NPHP3: variants seen among roughly 807,000 people sequenced by gnomAD.
NPHP3 encodes the protein nephrocystin-3.
In NPHP3, 123 loss-of-function variants were observed where a neutral mutation model predicts 171.9. The ratio of observed to expected loss-of-function variants is 0.72; its 90% CI spans 0.62 to 0.83. NPHP3 has a LOEUF of 0.83. Among genes scored for constraint, NPHP3 ranks in the 40% least tolerant of loss-of-function variants. The pLI is 0.00. For missense variants in NPHP3, 1,506 were observed against 1,591.9 expected (o/e 0.95, Z 0.92); for synonymous variants, 558 against 579.2 (o/e 0.96, Z 0.52).
At chr3:132,702,978 A>C (rs1437512401) in intron 9 of NPHP3, among the ~76,000 whole-genome samples, 1 of 152,196 alleles carries the variant, frequency 6.6e-6, no homozygotes, top group African/African-American at 2.4e-5. Flanking sequence ...CCAGATCTGC[A>C]ATCTACTCAC....
chr3:132,709,864 T>C (rs774824189), intron 6 of NPHP3, among the ~76,000 whole-genome samples: 2 of 152,204 alleles, frequency 1.3e-5, no homozygotes, highest in African/African-American at 2.4e-5. Flanking sequence ...CCATGTTCTA[T>C]CGAATTTTGG....
chr3:132,685,094 C>A, intron 23 of NPHP3: 1 of 318,062 alleles, frequency 3.1e-6, no homozygotes. Flanking sequence ...AGACCTAGGT[C>A]CAATAAAAGA....
chr3:132,711,710 T>TA (rs761486947), intron 6 of NPHP3, among the ~76,000 whole-genome samples: 88 of 151,806 alleles, frequency 5.8e-4, no homozygotes, highest in Admixed American at 1.2e-3. Flanking sequence ...CCAAGTAAGA[T>TA]AAAAAAACTA....
Position 132,684,771 on chromosome 3 carries a change from C to T in NPHP3, c.3353G>A (p.Arg1118His), listed in dbSNP as rs749623594. 12 of 1,613,548 alleles carry T rather than the reference C, an allele frequency of 7.4e-6. No homozygotes were observed. The highest frequency in any genetic ancestry group is 5.3e-5 in the African/African-American group (4 of 74,932). The change falls in exon 24 of 27, where the codon CGT becomes CAT. Residue 1118 changes from arginine to histidine, a missense_variant. Transcript: ENST00000337331. ...AACTCGCTCCCTCATTTCTAAGGAACGCTTCAGAAACTGGTCAGCTGTTCT... is the reference window on the plus strand; with the variant it reads ...AACTCGCTCCCTCATTTCTAAGGAATGCTTCAGAAACTGGTCAGCTGTTCT... Reference protein sequence around the residue: ...NLETADQFLKRSLEMRERVLG... With the variant: ...NLETADQFLKHSLEMRERVLG...
intron 17 of NPHP3, 114 bp from the exon 18 acceptor site, chr3:132,691,400 GA>G (rs1560003582): frequency 1.3e-6 from 1 of 743,586 alleles, no homozygotes; most frequent in African/African-American, 1.8e-5. Flanking sequence ...CTGTATAATA[GA>G]AATGTCACTT....
intron 7 of NPHP3, among the ~76,000 whole-genome samples, chr3:132,707,286 G>T (rs1036098050): frequency 5.9e-5 from 9 of 152,020 alleles, no homozygotes; most frequent in African/African-American, 2.2e-4. Flanking sequence ...AACATAATAA[G>T]TCCCCATCTC....
intron 16 of NPHP3, chr3:132,693,920 A>G (rs1459935145): frequency 1.3e-5 from 2 of 152,092 alleles, no homozygotes; most frequent in African/African-American, 4.8e-5. Flanking sequence ...ATTTTCAAAA[A>G]CCAAAATTGA....
At position 132,697,037 on chromosome 3, in the gene NPHP3, C is replaced by T. The variant is rs558770686; in HGVS notation, c.2088+223G>A. On this transcript the variant is annotated intron_variant, in intron 14 of 26. Coordinates refer to ENST00000337331, the MANE Select transcript of NPHP3 (RefSeq NM_153240.5). ...AAAATGCTCTTTTGCTTTTAAAATA[C>T]CTGCTTAATATTATATACTAAAGTC... Among the ~76,000 whole-genome samples the T allele has an allele frequency of 2.0e-5, 3 of 152,308 alleles. No homozygotes were observed. In the East Asian group the frequency reaches 5.8e-4, roughly 29 times the overall value.
At chr3:132,710,244 T>C (rs1939872582) in intron 6 of NPHP3, among the ~76,000 whole-genome samples, 1 of 151,486 alleles carries the variant, frequency 6.6e-6, no homozygotes, top group African/African-American at 2.4e-5. Flanking sequence ...CTGGAGGAGT[T>C]AAAACAGTAA....
At chr3:132,721,812 A>C in intron 1 of NPHP3, 151 bp downstream of exon 1, 1 of 983,464 alleles carries the variant, frequency 1.0e-6, no homozygotes, top group Non-Finnish European at 1.6e-6. Flanking sequence ...GGGGAGGGTT[A>C]AGGAATCATT....
chr3:132,715,190 T>C lies in NPHP3; in HGVS notation c.852A>G (p.Leu284=). 6.2e-7 allele frequency: 1 copy of C among 1,611,228 alleles called. No individual in the cohort carries two copies. Among genetic ancestry groups the C allele is most frequent in the East Asian group, 2.2e-5 (1 of 44,766 alleles). Residue 284 remains leucine, a synonymous_variant, in exon 5 of 27, where the codon TTA becomes TTG. Transcript: ENST00000337331. ...GTGAAAACAGAGGAGTAACTTGTAA[T>C]AAACTAGCTACAGCAATATCCCAGT... The part of the protein sequence containing the change: ...RDDWDIAVAS[L]LQVTPLFSHS...
intron 15 of NPHP3, 144 bp from the exon 16 acceptor site, chr3:132,695,109 A>G (rs1939419399): frequency 4.1e-6 from 3 of 726,922 alleles, no homozygotes; most frequent in Non-Finnish European, 7.1e-6. Flanking sequence ...GGAAAGTGGT[A>G]GTTTTATGGG....
In NPHP3 at chr3:132,680,905, A is replaced by G. The variant is rs1432318335; in HGVS notation, c.*1005T>C. On this transcript the variant is annotated 3_prime_UTR_variant, in exon 27 of 27. Coordinates refer to ENST00000337331, the MANE Select transcript of NPHP3 (RefSeq NM_153240.5). Reference sequence around the variant, plus strand: ...AGAATGTCATATCTATATTTTGGGAAAAGTCAAAGAATGCTAAAGAGCTTG... The same window carrying G: ...AGAATGTCATATCTATATTTTGGGAGAAGTCAAAGAATGCTAAAGAGCTTG... 1.3e-5 allele frequency: 2 copies of G among 152,244 alleles called. No individual in the cohort carries two copies. The highest frequency in any genetic ancestry group is 2.9e-5 in the Non-Finnish European group (2 of 68,040). The allele number at this position is 152,244 out of a possible 1,614,324, so 9.4% of individuals were successfully genotyped here.
At chr3:132,698,091 C>G (rs999432755) in intron 13 of NPHP3, among the ~76,000 whole-genome samples, 1 of 151,882 alleles carries the variant, frequency 6.6e-6, no homozygotes, top group Non-Finnish European at 1.5e-5. Flanking sequence ...AAGTGATTCT[C>G]CTGTCTCAGC....
At chr3:132,705,917 A>T (rs1939735224) in intron 7 of NPHP3, 103 bp from the exon 8 acceptor site, 3 of 664,548 alleles carry the variant, frequency 4.5e-6, no homozygotes, top group Non-Finnish European at 8.3e-6. Flanking sequence ...TATTCTAAAT[A>T]TTTAACACAT....
intron 13 of NPHP3, 109 bp from the exon 14 acceptor site, chr3:132,697,471 T>C (rs1210735731): frequency 4.2e-6 from 3 of 716,974 alleles, no homozygotes; most frequent in Non-Finnish European, 7.2e-6. Context: ...TATACTGCTT[T>C]TGTAAAATAA....
At chr3:132,688,158 A>C (rs1939208407) in intron 21 of NPHP3, among the ~76,000 whole-genome samples, 2 of 152,212 alleles carry the variant, frequency 1.3e-5, no homozygotes, top group South Asian at 4.1e-4. Context: ...GTGATGGGTC[A>C]ACTCAAGCCA....
At chr3:132,685,092 G>A (rs942873367) in intron 23 of NPHP3, 2 of 323,504 alleles carry the variant, frequency 6.2e-6, no homozygotes, top group Non-Finnish European at 1.2e-5. Flanking sequence ...TTAGACCTAG[G>A]TCCAATAAAA....
At chr3:132,709,456 T>C (rs948298304) in intron 6 of NPHP3, among the ~76,000 whole-genome samples, 1 of 151,898 alleles carries the variant, frequency 6.6e-6, no homozygotes, top group Non-Finnish European at 1.5e-5. Context: ...CTAATTTTTG[T>C]ATTTTTTGTA....
Sources: allele counts gnomAD v4.1 joint callset (sites outside exome capture counted in the v4.1 genomes callset), GRCh38; gene constraint gnomAD v4.1.1; transcripts MANE v1.5; gene names NCBI Gene and HGNC (gene_info 2026-07-23, HGNC 2026-07-21).